The following TSHZ2 variants were observed in gnomAD, a reference collection of about 807,000 sequenced individuals.
TSHZ2 encodes the protein teashirt zinc finger homeobox 2, also known as teashirt homolog 2.
Under a neutral mutation model 74.4 loss-of-function variants are expected in TSHZ2, and 21 were observed. That is an observed-to-expected ratio of 0.28 (90% CI 0.20 to 0.41). TSHZ2 has a LOEUF of 0.41. TSHZ2 is among the 10% of genes least tolerant of loss of function. TSHZ2 has a pLI of 1.00. For missense variants in TSHZ2, 1,244 were observed against 1,293.5 expected, an observed-to-expected ratio of 0.96 and a Z score of 0.59; for synonymous variants, 540 against 515.3, an observed-to-expected ratio of 1.05 and a Z score of -0.65.
At chr20:53,284,997 C>T (rs914106229) in intron 2 of TSHZ2, among the ~76,000 whole-genome samples, 2 of 152,154 alleles carry the variant, frequency 1.3e-5, no homozygotes, top group African/African-American at 4.8e-5. Context: ...CGCTGCAATT[C>T]GGATCCAGCT....
chr20:53,379,603 C>G (rs1398860177), intron 2 of TSHZ2, among the ~76,000 whole-genome samples: 2 of 152,054 alleles, frequency 1.3e-5, no homozygotes, highest in Non-Finnish European at 2.9e-5. Flanking sequence ...AGTGGACAGT[C>G]TCTTGGGATG....
intron 2 of TSHZ2, among the ~76,000 whole-genome samples, chr20:53,425,590 A>G (rs972437884): frequency 3.3e-5 from 5 of 152,250 alleles, no homozygotes; most frequent in Admixed American, 6.5e-5. Context: ...AAACAGAGGT[A>G]GGCAAACTTG....
chr20:53,084,638 C>CCTCCCTCT (rs1568751658), intron 1 of TSHZ2, among the ~76,000 whole-genome samples: 3 of 123,202 alleles, frequency 2.4e-5, no homozygotes, highest in Non-Finnish European at 3.5e-5. Flanking sequence ...TCCCTCCCTC[C>CCTCCCTCT]CTCCCTCTCT....
intron 1 of TSHZ2, among the ~76,000 whole-genome samples, chr20:53,090,196 TCTC>T (rs200477182): frequency 0.018 from 2,773 of 152,228 alleles, 101 homozygotes; most frequent in African/African-American, 0.063. Context: ...CTTTCCATCT[TCTC>T]CTGCCTGCTT....
intron 2 of TSHZ2, among the ~76,000 whole-genome samples, chr20:53,436,983 A>G (rs1251485111): frequency 1.3e-5 from 2 of 152,046 alleles, no homozygotes; most frequent in Non-Finnish European, 2.9e-5. Flanking sequence ...AATGTTTTCT[A>G]TATTTCAAAG....
At chr20:53,368,587 A>C (rs1981359357) in intron 2 of TSHZ2, among the ~76,000 whole-genome samples, 1 of 152,234 alleles carries the variant, frequency 6.6e-6, no homozygotes, top group Non-Finnish European at 1.5e-5. Flanking sequence ...CTGGGATTAC[A>C]GGCGTGAGCC....
At chr20:53,238,862 G>C (rs1032477755) in intron 1 of TSHZ2, among the ~76,000 whole-genome samples, 3 of 95,494 alleles carry the variant, frequency 3.1e-5, no homozygotes. Context: ...AAAAAAAAAA[G>C]AGCTACGCTA....
chr20:53,141,847 T>C (rs1987407555), intron 1 of TSHZ2, among the ~76,000 whole-genome samples: 1 of 152,248 alleles, frequency 6.6e-6, no homozygotes, highest in African/African-American at 2.4e-5. Context: ...TAAGCCACAG[T>C]GCCTCCATCA....
At chr20:53,290,939 A>T (rs187139239) in intron 2 of TSHZ2, among the ~76,000 whole-genome samples, 75 of 152,280 alleles carry the variant, frequency 4.9e-4, no homozygotes, top group African/African-American at 1.8e-3. Context: ...ATAATGTCAT[A>T]TTTGAGGGGT....
At position 53,246,039 on chromosome 20, in the gene TSHZ2, TC is replaced by T. The variant is rs201626370; in HGVS notation, c.41-7459del. 1.1e-3 allele frequency among the ~76,000 whole-genome samples: 153 copies of T among 144,710 alleles called. 3 individuals are homozygous for T. The highest frequency in any genetic ancestry group is 2.5e-3 in the African/African-American group (93 of 36,690). The allele number at this position is 144,710 out of a possible 152,430, so 94.9% of individuals were successfully genotyped here. On this transcript the variant is annotated intron_variant, in intron 1 of 2. Coordinates refer to ENST00000371497, the MANE Select transcript of TSHZ2 (RefSeq NM_173485.6). ...CTGTGCTTTTCTTTCTTTCTTTCTT[TC>T]TTTTTTTTTTTTTGTTTGAGACAGA...
intron 2 of TSHZ2, among the ~76,000 whole-genome samples, chr20:53,454,656 C>T (rs952890110): frequency 1.8e-4 from 27 of 152,082 alleles, no homozygotes; most frequent in Admixed American, 3.9e-4. Context: ...ATGTCACTCC[C>T]TCAGAGAGGG....
intron 1 of TSHZ2, among the ~76,000 whole-genome samples, chr20:53,035,412 T>A (rs1983781788): frequency 6.6e-6 from 1 of 152,190 alleles, no homozygotes; most frequent in Non-Finnish European, 1.5e-5. Flanking sequence ...AGTTTTTTAA[T>A]TCAATATTTA....
chr20:53,298,342 A>G (rs1371723978), intron 2 of TSHZ2, among the ~76,000 whole-genome samples: 1 of 152,188 alleles, frequency 6.6e-6, no homozygotes, highest in Non-Finnish European at 1.5e-5. Flanking sequence ...GATACAAACC[A>G]TCGCACTGGG....
At chr20:53,106,535 G>T (rs6126756) in intron 1 of TSHZ2, among the ~76,000 whole-genome samples, 3 of 149,858 alleles carry the variant, frequency 2.0e-5, no homozygotes, top group African/African-American at 7.4e-5. Context: ...CTCCTGAGTA[G>T]CTGGGACTAC....
chr20:53,302,206 A>C (rs1978340054), intron 2 of TSHZ2, among the ~76,000 whole-genome samples: 1 of 152,184 alleles, frequency 6.6e-6, no homozygotes, highest in Non-Finnish European at 1.5e-5. Context: ...ATTTGTCAAC[A>C]TCGGGGTTCA....
intron 1 of TSHZ2, among the ~76,000 whole-genome samples, chr20:53,031,594 GTCAC>G (rs374896654): frequency 6.6e-5 from 10 of 152,204 alleles, no homozygotes; most frequent in African/African-American, 2.4e-4. Flanking sequence ...GCACAGAGAA[GTCAC>G]TCACACAGAC....
chr20:53,309,008 T>G (rs911645086), intron 2 of TSHZ2, among the ~76,000 whole-genome samples: 1 of 152,220 alleles, frequency 6.6e-6, no homozygotes, highest in South Asian at 2.1e-4. Context: ...CTGAAGGCCA[T>G]TCAGGTTCTT....
At chr20:53,018,417 C>T (rs976886936) in intron 1 of TSHZ2, among the ~76,000 whole-genome samples, 20 of 152,272 alleles carry the variant, frequency 1.3e-4, no homozygotes, top group Middle Eastern at 3.4e-3. Context: ...ACTGCTAGTC[C>T]TGGAAAGGGG....
At chr20:53,310,878 C>T (rs1348361103) in intron 2 of TSHZ2, among the ~76,000 whole-genome samples, 2 of 152,162 alleles carry the variant, frequency 1.3e-5, no homozygotes, top group Non-Finnish European at 2.9e-5. Context: ...AGTTACAAGT[C>T]CCACACACAC....
Sources: allele counts gnomAD v4.1 joint callset (sites outside exome capture counted in the v4.1 genomes callset), GRCh38; gene constraint gnomAD v4.1.1; transcripts MANE v1.5; gene names NCBI Gene and HGNC (gene_info 2026-07-23, HGNC 2026-07-21).